Variants in KCNH7 observed in about 807,000 individuals in gnomAD.
KCNH7 encodes the protein potassium voltage-gated channel subfamily H member 7.
A neutral mutation model predicts 120.8 loss-of-function variants in KCNH7; 49 were observed. The observed-to-expected ratio is 0.41, with a 90% CI of 0.32 to 0.51. The LOEUF is 0.51. KCNH7 is among the 20% of genes least tolerant of loss of function. The pLI is 0.38. For synonymous variants in KCNH7, 547 were observed against 516.1 expected (o/e 1.06, Z -0.81); for missense variants, 1,097 against 1,446.6 (o/e 0.76, Z 3.92).
At chr2:162,556,710 G>A (rs1242175140) in intron 2 of KCNH7, among the ~76,000 whole-genome samples, 1 of 152,074 alleles carries the variant, frequency 6.6e-6, no homozygotes, top group Non-Finnish European at 1.5e-5. Flanking sequence ...ACACAAATAG[G>A]TGAGTAAAAC....
chr2:162,711,750 T>A (rs1686935801), intron 2 of KCNH7, among the ~76,000 whole-genome samples: 1 of 152,140 alleles, frequency 6.6e-6, no homozygotes, highest in Non-Finnish European at 1.5e-5. Context: ...AGTAAACGTT[T>A]TCTTGTTCCT....
chr2:162,582,976 C>T (rs2046490), intron 2 of KCNH7, among the ~76,000 whole-genome samples: 77,747 of 151,864 alleles, frequency 0.51, 20,109 homozygotes, highest in Middle Eastern at 0.62. Context: ...GCATTTTAAA[C>T]GTTATATTTT....
chr2:162,402,273 T>A (rs1386431220), intron 9 of KCNH7, among the ~76,000 whole-genome samples: 1 of 150,744 alleles, frequency 6.6e-6, no homozygotes, highest in African/African-American at 2.4e-5. Context: ...GAAGCAATTA[T>A]CTGGGTCATT....
At chr2:162,764,291 T>C (rs919132927) in intron 2 of KCNH7, among the ~76,000 whole-genome samples, 11 of 152,112 alleles carry the variant, frequency 7.2e-5, no homozygotes, top group African/African-American at 2.7e-4. Flanking sequence ...TTTGATTTTA[T>C]GGCTAGCATG....
intron 2 of KCNH7, among the ~76,000 whole-genome samples, chr2:162,799,045 G>C (rs1345406938): frequency 6.6e-6 from 1 of 151,928 alleles, no homozygotes; most frequent in East Asian, 1.9e-4. Flanking sequence ...GTATATTCTT[G>C]GTGAGCAGTG....
intron 2 of KCNH7, among the ~76,000 whole-genome samples, chr2:162,833,625 T>C (rs1685553368): frequency 1.3e-5 from 2 of 152,132 alleles, no homozygotes; most frequent in African/African-American, 4.8e-5. Context: ...TTTTTAAAAA[T>C]TGATATTCTG....
chr2:162,489,639 C>T (rs146232628), intron 6 of KCNH7, among the ~76,000 whole-genome samples: 1 of 152,290 alleles, frequency 6.6e-6, no homozygotes, highest in East Asian at 1.9e-4. Context: ...GAGTACATAA[C>T]ATTTGACTTA....
At chr2:162,379,193 A>G (rs1229672443) in intron 14 of KCNH7, among the ~76,000 whole-genome samples, 1 of 152,178 alleles carries the variant, frequency 6.6e-6, no homozygotes, top group East Asian at 1.9e-4. Context: ...TTGGATCAAG[A>G]CAAATTCCCA....
intron 2 of KCNH7, among the ~76,000 whole-genome samples, chr2:162,680,017 T>C (rs112234312): frequency 0.013 from 1,958 of 151,918 alleles, 21 homozygotes; most frequent in Non-Finnish European, 0.021. Context: ...TCTTTCTAGA[T>C]AAAGAATGGC....
chr2:162,473,069 T>G (rs1689614332), intron 6 of KCNH7, among the ~76,000 whole-genome samples: 1 of 151,252 alleles, frequency 6.6e-6, no homozygotes, highest in Non-Finnish European at 1.5e-5. Flanking sequence ...CGGGGCCTGT[T>G]GTGGGGTAGG....
chr2:162,477,355 G>C (rs968789899), intron 6 of KCNH7, among the ~76,000 whole-genome samples: 4 of 152,192 alleles, frequency 2.6e-5, no homozygotes, highest in Non-Finnish European at 4.4e-5. Flanking sequence ...AAGACCCAGG[G>C]CTTCTGGAGC....
At chr2:162,761,480 G>C (rs930344466) in intron 2 of KCNH7, among the ~76,000 whole-genome samples, 3 of 152,028 alleles carry the variant, frequency 2.0e-5, no homozygotes, top group Non-Finnish European at 4.4e-5. Context: ...ACAGCACTAA[G>C]AAAAAATGTT....
chr2:162,658,460 A>C (rs1684847616), intron 2 of KCNH7, among the ~76,000 whole-genome samples: 1 of 152,094 alleles, frequency 6.6e-6, no homozygotes, highest in Non-Finnish European at 1.5e-5. Context: ...TTTAATATTG[A>C]ATATGATGTT....
chr2:162,514,699 AT>A (rs1467334729), intron 4 of KCNH7, among the ~76,000 whole-genome samples: 1 of 151,726 alleles, frequency 6.6e-6, no homozygotes, highest in Non-Finnish European at 1.5e-5. Flanking sequence ...CCAGTAGTAC[AT>A]TTTTATTGGC....
chr2:162,531,900 C>A (rs1355825153), intron 3 of KCNH7, among the ~76,000 whole-genome samples: 1 of 151,792 alleles, frequency 6.6e-6, no homozygotes, highest in Non-Finnish European at 1.5e-5. Context: ...ACAAAATAGG[C>A]TTTTGGGACC....
intron 2 of KCNH7, among the ~76,000 whole-genome samples, chr2:162,833,286 A>AT (rs980960943): frequency 4.2e-4 from 15 of 35,712 alleles, no homozygotes; most frequent in South Asian, 2.5e-3. Flanking sequence ...TAACTAAAAT[A>AT]TTTTTTTTTT....
At chr2:162,611,155 G>A (rs1054540686) in intron 2 of KCNH7, among the ~76,000 whole-genome samples, 16 of 152,150 alleles carry the variant, frequency 1.1e-4, no homozygotes, top group Non-Finnish European at 1.6e-4. Context: ...GAGCCAGGGG[G>A]CCCACCGTGG....
intron 6 of KCNH7, among the ~76,000 whole-genome samples, chr2:162,498,653 C>T (rs1306812833): frequency 6.6e-6 from 1 of 152,048 alleles, no homozygotes; most frequent in African/African-American, 2.4e-5. Context: ...AGGGACTATA[C>T]TTTTTCCTCC....
intron 2 of KCNH7, among the ~76,000 whole-genome samples, chr2:162,756,392 T>C (rs966181017): frequency 6.6e-6 from 1 of 152,158 alleles, no homozygotes; most frequent in African/African-American, 2.4e-5. Flanking sequence ...TTAATGCTGT[T>C]GATGTGACAC....
Sources: allele counts gnomAD v4.1 joint callset (sites outside exome capture counted in the v4.1 genomes callset), GRCh38; gene constraint gnomAD v4.1.1; transcripts MANE v1.5; gene names NCBI Gene and HGNC (gene_info 2026-07-23, HGNC 2026-07-21).